The following CRK variants were observed in gnomAD, a reference collection of about 807,000 sequenced individuals.
CRK encodes adapter molecule crk.
CRK carries 4 observed loss-of-function variants against 29.8 expected under a neutral mutation model. That is an observed-to-expected ratio of 0.13 (90% CI 0.07 to 0.31). CRK has a LOEUF of 0.31. Among genes scored for constraint, CRK ranks in the 10% least tolerant of loss-of-function variants. The pLI is 1.00. For synonymous variants in CRK, 153 were observed against 164.9 expected, an observed-to-expected ratio of 0.93 and a Z score of 0.55; for missense variants, 274 against 396.5, an observed-to-expected ratio of 0.69 and a Z score of 2.62.
chr17:1,448,802 C>T (rs2073995553), intron 1 of CRK, among the ~76,000 whole-genome samples: 4 of 151,752 alleles, frequency 2.6e-5, no homozygotes, highest in Admixed American at 2.6e-4. Context: ...GTTCTGTGGT[C>T]AGGCAGGTGC....
intron 1 of CRK, among the ~76,000 whole-genome samples, chr17:1,443,922 G>A (rs991087332): frequency 6.7e-6 from 1 of 150,332 alleles, no homozygotes; most frequent in African/African-American, 2.5e-5. Context: ...GGCTGGTCTT[G>A]AACTCCTGAC....
rs528309164 is a variant in CRK, at chr17:1,430,616, T to C, written c.777+6004A>G. ...TCCTGACCTCGTGATCCGCCCGCCT[T>C]GGCCTCCCAAAGTGCTGGGATTACA... On this transcript the variant is annotated intron_variant, in intron 2 of 2. Coordinates refer to ENST00000300574, the MANE Select transcript of CRK (RefSeq NM_016823.4). Among the ~76,000 whole-genome samples, 76 of 130,760 alleles carry C rather than the reference T, an allele frequency of 5.8e-4. 1 individual carries two copies. Among genetic ancestry groups the C allele is most frequent in the Non-Finnish European group, 2.8e-4 (17 of 60,146 alleles). The allele number at this position is 130,760 out of a possible 152,430, so 85.8% of individuals were successfully genotyped here. A position where few individuals can be genotyped will look rare whatever the true frequency, so the allele number is the denominator to read the frequency against.
chr17:1,449,754 G>A (rs2074003416), intron 1 of CRK, among the ~76,000 whole-genome samples: 1 of 152,152 alleles, frequency 6.6e-6, no homozygotes, highest in African/African-American at 2.4e-5. Context: ...GTGACCAGTA[G>A]ACTTGGCCAA....
rs765221724 is a variant in CRK, at chr17:1,423,554, G to A, written c.874C>T (p.Arg292Cys). 6.8e-6 allele frequency: 11 copies of A among 1,613,820 alleles called. No individual in the cohort carries two copies. Among genetic ancestry groups the A allele is most frequent in the African/African-American group, 5.3e-5 (4 of 74,842 alleles). ...TCGGGATTCTGTTGATCCAGCAGAC[G>A]GACATGTGTGAATGGGAAGTGACCT... ...KRGHFPFTHVRLLDQQNPDED... is the reference protein window; with the variant it reads ...KRGHFPFTHVCLLDQQNPDED... The change falls in exon 3 of 3, where the codon CGT becomes TGT. Residue 292 changes from arginine (R) to cysteine (C), a missense_variant. Coordinates refer to ENST00000300574, the MANE Select transcript of CRK (RefSeq NM_016823.4).
chr17:1,448,866 CTT>C (rs1012424172), intron 1 of CRK, among the ~76,000 whole-genome samples: 4 of 151,960 alleles, frequency 2.6e-5, no homozygotes, highest in African/African-American at 9.7e-5. Flanking sequence ...AGGAGGATCT[CTT>C]TATTTTTTTC....
chr17:1,437,660 T>C (rs555648798), intron 1 of CRK, among the ~76,000 whole-genome samples: 1 of 148,716 alleles, frequency 6.7e-6, no homozygotes, highest in Admixed American at 6.7e-5. Context: ...TGTTGCATGT[T>C]TTTTTTTTTT....
intron 2 of CRK, among the ~76,000 whole-genome samples, chr17:1,431,571 A>G (rs1278493120): frequency 6.9e-6 from 1 of 144,584 alleles, no homozygotes; most frequent in Non-Finnish European, 1.5e-5. Context: ...AATACAAAAG[A>G]AAAAAAAAAG....
At chr17:1,434,792 C>CAAAAAAAAAAAAA (rs376877954) in intron 2 of CRK, among the ~76,000 whole-genome samples, 1 of 124,744 alleles carries the variant, frequency 8.0e-6, no homozygotes, top group South Asian at 2.5e-4. Flanking sequence ...CAAAAAGAAC[C>CAAAAAAAAAAAAA]AAAAAAAAAA....
chr17:1,426,957 G>A (rs759334102), intron 2 of CRK, among the ~76,000 whole-genome samples: 10 of 147,848 alleles, frequency 6.8e-5, no homozygotes, highest in African/African-American at 7.5e-5. Context: ...ACTTGAGCCC[G>A]GGAGGCAGAG....
At chr17:1,452,138 G>A (rs2074023023) in intron 1 of CRK, among the ~76,000 whole-genome samples, 1 of 152,168 alleles carries the variant, frequency 6.6e-6, no homozygotes, top group Non-Finnish European at 1.5e-5. Flanking sequence ...CAGCTCTCAG[G>A]TCAGAATGCC....
intron 1 of CRK, among the ~76,000 whole-genome samples, chr17:1,437,577 G>C (rs1275396315): frequency 6.6e-6 from 1 of 151,992 alleles, no homozygotes; most frequent in Non-Finnish European, 1.5e-5. Flanking sequence ...ATCAACGACG[G>C]GGGCTTTCAC....
At chr17:1,433,664 G>A (rs1051882754) in intron 2 of CRK, among the ~76,000 whole-genome samples, 13 of 151,214 alleles carry the variant, frequency 8.6e-5, no homozygotes, top group South Asian at 2.1e-4. Context: ...AATTACAGGC[G>A]CCCACCACCA....
At chr17:1,427,025 G>A (rs1327048543) in intron 2 of CRK, among the ~76,000 whole-genome samples, 2 of 72,616 alleles carry the variant, frequency 2.8e-5, no homozygotes, top group African/African-American at 5.4e-5. Context: ...GAGCAAAACT[G>A]TCTCCAAAAA....
At position 1,456,148 on chromosome 17, in the gene CRK, C is replaced by T. The variant is rs1419538276; in HGVS notation, c.-31G>A. The stretch of plus-strand genomic sequence containing the variant: ...CCTCCGCGCCTAAACGCTGGGGTGC[C>T]GCCGCCGCGCGCGCCCCTCCGGCCC... On this transcript the variant is annotated 5_prime_UTR_variant, in exon 1 of 3. Coordinates refer to ENST00000300574, the MANE Select transcript of CRK (RefSeq NM_016823.4). 2.8e-6 allele frequency: 4 copies of T among 1,450,652 alleles called. No individual in the cohort carries two copies. In the East Asian group the frequency reaches 1.2e-4, roughly 44 times the overall value. 89.9% of individuals were successfully genotyped at this position (1,450,652 alleles called of 1,614,324 possible).
At chr17:1,442,715 C>A (rs887233555) in intron 1 of CRK, among the ~76,000 whole-genome samples, 2 of 142,178 alleles carry the variant, frequency 1.4e-5, no homozygotes, top group African/African-American at 2.6e-5. Context: ...TCAAGCAATT[C>A]TTCTGCCTCA....
intron 2 of CRK, among the ~76,000 whole-genome samples, chr17:1,430,464 C>T (rs1367491837): frequency 1.3e-5 from 2 of 151,544 alleles, no homozygotes; most frequent in Non-Finnish European, 2.9e-5. Context: ...TCACGCCATT[C>T]TCCTGCCTCA....
At chr17:1,428,321 G>C (rs1326441159) in intron 2 of CRK, among the ~76,000 whole-genome samples, 1 of 149,422 alleles carries the variant, frequency 6.7e-6, no homozygotes, top group Admixed American at 6.7e-5. Context: ...GTTTCACCAT[G>C]GTGGGCAGGA....
rs1555654432 is a variant in CRK at position 1,444,605 on chromosome 17, G to GGGA, written c.242-7451_242-7450insTCC. Among the ~76,000 whole-genome samples the GGGA allele has an allele frequency of 8.9e-4, 125 of 140,776 alleles. 4 individuals are homozygous for GGGA. The highest frequency in any genetic ancestry group is 2.5e-3 in the South Asian group (10 of 3,972). The allele number at this position is 140,776 out of a possible 152,430, so 92.4% of individuals were successfully genotyped here. A position where few individuals can be genotyped will look rare whatever the true frequency, so the allele number is the denominator to read the frequency against. The stretch of plus-strand genomic sequence containing the variant: ...TTTGGGAAGCCGAAGCGGGGGGGGG[G>GGGA]ATCACCTGAGATCGGGAGTTCGAGA... On this transcript the variant is annotated intron_variant, in intron 1 of 2. Coordinates refer to ENST00000300574, the MANE Select transcript of CRK (RefSeq NM_016823.4).
Position 1,422,200 on chromosome 17 carries a change from G to A in CRK, c.*1313C>T, listed in dbSNP as rs1015026317. Reference sequence around the variant, plus strand: ...TTTTTTTGAGACTGAGTCTTGCCCTGTCGCTCAGGCTGGAACGCAGTGGTG... The same window carrying A: ...TTTTTTTGAGACTGAGTCTTGCCCTATCGCTCAGGCTGGAACGCAGTGGTG... On this transcript the variant is annotated 3_prime_UTR_variant, in exon 3 of 3. Transcript: ENST00000300574. 1 of 119,850 alleles carries A rather than the reference G, an allele frequency of 8.3e-6. No homozygotes were observed. Among genetic ancestry groups the A allele is most frequent in the African/African-American group, 3.3e-5 (1 of 30,202 alleles). 7.4% of individuals were successfully genotyped at this position (119,850 alleles called of 1,614,324 possible).
Sources: allele counts gnomAD v4.1 joint callset (sites outside exome capture counted in the v4.1 genomes callset), GRCh38; gene constraint gnomAD v4.1.1; transcripts MANE v1.5; gene names NCBI Gene and HGNC (gene_info 2026-07-23, HGNC 2026-07-21).